Variants in KRABD5 observed in about 807,000 individuals in gnomAD.
KRABD5 encodes the protein KRAB domain containing 5.
chr16:31,759,458 C>T, the KRABD5 span: 54 of 1,502,806 alleles, frequency 3.6e-5, no homozygotes, highest in Middle Eastern at 6.9e-4. Flanking sequence ...AGTGTTGCTT[C>T]GAAAAGGGGT....
At chr16:31,743,549 G>A in the KRABD5 span, among the ~76,000 whole-genome samples, 4 of 152,280 alleles carry the variant, frequency 2.6e-5, no homozygotes, top group East Asian at 7.7e-4. Context: ...TTGAAGTCAG[G>A]TAGCGTGATG....
the KRABD5 span, chr16:31,757,664 A>T: frequency 6.6e-6 from 1 of 152,192 alleles, no homozygotes; most frequent in Non-Finnish European, 1.5e-5. Flanking sequence ...ACAGTTTTAC[A>T]TGTTATTATA....
the KRABD5 span, chr16:31,760,974 A>G: frequency 6.6e-6 from 1 of 152,308 alleles, no homozygotes; most frequent in Admixed American, 6.5e-5. Flanking sequence ...AGAATGTCTA[A>G]GGAATCCTAC....
At chr16:31,724,473 G>C in the KRABD5 span, among the ~76,000 whole-genome samples, 1 of 151,868 alleles carries the variant, frequency 6.6e-6, no homozygotes, top group South Asian at 2.1e-4. Context: ...GGATCATGAG[G>C]TCAGGAGATT....
chr16:31,732,916 AT>A, the KRABD5 span, among the ~76,000 whole-genome samples: 4 of 152,246 alleles, frequency 2.6e-5, no homozygotes, highest in Non-Finnish European at 4.4e-5. Context: ...CTAAAGCATT[AT>A]TTTTTAATAG....
the KRABD5 span, among the ~76,000 whole-genome samples, chr16:31,717,042 G>T: frequency 7.4e-6 from 1 of 134,548 alleles, no homozygotes. Context: ...TGTTGCCCAG[G>T]CTGGAGTGCA....
At chr16:31,742,790 C>T in the KRABD5 span, among the ~76,000 whole-genome samples, 4 of 152,210 alleles carry the variant, frequency 2.6e-5, no homozygotes, top group Admixed American at 1.3e-4. Flanking sequence ...ATTGTAAAAA[C>T]GTTTCCATTT....
the KRABD5 span, among the ~76,000 whole-genome samples, chr16:31,744,908 G>A: frequency 3.3e-5 from 5 of 152,158 alleles, no homozygotes; most frequent in South Asian, 2.1e-4. Flanking sequence ...TAGTTTACTT[G>A]TGTAGAGATA....
chr16:31,713,527 C>T, the KRABD5 span: 7 of 1,486,114 alleles, frequency 4.7e-6, no homozygotes, highest in Non-Finnish European at 6.3e-6. Flanking sequence ...GGGGTCTGGG[C>T]CCTGAGTCCC....
the KRABD5 span, among the ~76,000 whole-genome samples, chr16:31,724,646 C>G: frequency 2.0e-5 from 3 of 150,150 alleles, no homozygotes; most frequent in Admixed American, 6.6e-5. Context: ...GAGCCGAGAT[C>G]GCGCCACTGC....
the KRABD5 span, among the ~76,000 whole-genome samples, chr16:31,727,433 C>G: frequency 6.6e-6 from 1 of 152,224 alleles, no homozygotes; most frequent in Non-Finnish European, 1.5e-5. Flanking sequence ...ATGACTGCTC[C>G]TGTGGAGCGA....
chr16:31,726,336 C>T, the KRABD5 span, among the ~76,000 whole-genome samples: 1 of 152,040 alleles, frequency 6.6e-6, no homozygotes, highest in Non-Finnish European at 1.5e-5. Flanking sequence ...GTCTATATGT[C>T]TTTTTAGGTC....
chr16:31,754,459 A>G, the KRABD5 span: 1 of 649,226 alleles, frequency 1.5e-6, no homozygotes, highest in East Asian at 2.8e-5. Context: ...TTGCAGAGAA[A>G]AATCAGTACA....
At chr16:31,750,700 G>T in the KRABD5 span, among the ~76,000 whole-genome samples, 2 of 151,278 alleles carry the variant, frequency 1.3e-5, no homozygotes, top group African/African-American at 4.9e-5. Context: ...TTTCTTCAAT[G>T]CTTAGTTTGT....
At chr16:31,759,367 C>T in the KRABD5 span, 6 of 1,482,334 alleles carry the variant, frequency 4.0e-6, no homozygotes, top group Admixed American at 6.5e-5. Flanking sequence ...GCAAAATAAT[C>T]CTATGGTGAA....
the KRABD5 span, among the ~76,000 whole-genome samples, chr16:31,749,104 C>T: frequency 1.9e-4 from 29 of 152,332 alleles, no homozygotes; most frequent in Admixed American, 1.7e-3. Flanking sequence ...TCACCCCTCT[C>T]GCTAGGGGCT....
chr16:31,721,339 G>C, the KRABD5 span, among the ~76,000 whole-genome samples: 1 of 151,886 alleles, frequency 6.6e-6, no homozygotes. Flanking sequence ...CTGCCTTCCT[G>C]TTTTCATCTT....
chr16:31,727,133 T>C, the KRABD5 span, among the ~76,000 whole-genome samples: 1 of 152,266 alleles, frequency 6.6e-6, no homozygotes. Flanking sequence ...GGTAATTTTG[T>C]GACCTCAGCT....
the KRABD5 span, among the ~76,000 whole-genome samples, chr16:31,736,968 A>G: frequency 6.6e-6 from 1 of 152,108 alleles, no homozygotes; most frequent in Admixed American, 6.5e-5. Context: ...TTAATTTTTT[A>G]TAGTTATTTG....
Sources: gnomAD v4.1 joint callset for allele counts (sites outside exome capture counted in the v4.1 genomes callset) on GRCh38, gnomAD v4.1.1 for gene constraint, MANE v1.5 for transcripts, NCBI Gene and HGNC (gene_info 2026-07-23, HGNC 2026-07-21) for gene names.